ZNF521: variants seen among roughly 807,000 people sequenced by gnomAD.
The protein encoded by ZNF521 is zinc finger protein 521, also known as LYST-interacting protein 3.
In ZNF521, 14 loss-of-function variants were observed where a neutral mutation model predicts 105.5. The ratio of observed to expected loss-of-function variants is 0.13; its 90% CI spans 0.09 to 0.21. The LOEUF (loss-of-function observed/expected upper bound fraction) is 0.21. Among genes scored for constraint, ZNF521 ranks in the 10% least tolerant of loss-of-function variants. The probability of loss-of-function intolerance (pLI) is 1.00; values close to 1 mark genes in which losing one functional copy is unlikely to be tolerated. For missense variants in ZNF521, 1,233 were observed against 1,629.7 expected, an observed-to-expected ratio of 0.76 and a Z score of 4.19; for synonymous variants, 635 against 606.0, an observed-to-expected ratio of 1.05 and a Z score of -0.70.
chr18:25,238,884 C>T (rs955671001), intron 3 of ZNF521, among the ~76,000 whole-genome samples: 3 of 152,138 alleles, frequency 2.0e-5, no homozygotes, highest in Admixed American at 2.0e-4. Context: ...GCCCAGAAAT[C>T]TCCCTTTTTT....
chr18:25,297,704 T>C (rs1350291379), intron 3 of ZNF521, among the ~76,000 whole-genome samples: 3 of 152,162 alleles, frequency 2.0e-5, no homozygotes, highest in Non-Finnish European at 4.4e-5. Flanking sequence ...AAACCATAGG[T>C]CCTTTAGGGA....
intron 5 of ZNF521, among the ~76,000 whole-genome samples, chr18:25,149,162 T>C (rs2035000323): frequency 6.6e-6 from 1 of 152,204 alleles, no homozygotes; most frequent in Admixed American, 6.5e-5. Context: ...CAGGTCTTTG[T>C]CCATGTAGCT....
intron 3 of ZNF521, among the ~76,000 whole-genome samples, chr18:25,259,513 C>G (rs1908758283): frequency 6.6e-6 from 1 of 152,064 alleles, no homozygotes; most frequent in African/African-American, 2.4e-5. Flanking sequence ...GGAGAGGGCA[C>G]CACGGGCGTA....
At chr18:25,266,453 G>C (rs1302795310) in intron 3 of ZNF521, among the ~76,000 whole-genome samples, 1 of 152,166 alleles carries the variant, frequency 6.6e-6, no homozygotes, top group Admixed American at 6.5e-5. Context: ...AATCGGATTT[G>C]CTGGCAAGAT....
chr18:25,342,627 AC>A lies in ZNF521; in HGVS notation c.40+8279del, dbSNP rs1914269562. Among the ~76,000 whole-genome samples, 3 of 150,988 alleles carry A rather than the reference AC, an allele frequency of 2.0e-5. No individual in the cohort carries two copies. The South Asian group carries it at 6.3e-4, about 32-fold the overall frequency. ...GTATTTTTAGTAGAGACGGGGTTTC[AC>A]CGTGTTAGCCAGGATGGTCTCGATC... On this transcript the variant is annotated intron_variant, in intron 2 of 7. Transcript: ENST00000361524.
intron 5 of ZNF521, among the ~76,000 whole-genome samples, chr18:25,104,222 A>T (rs1567963150): frequency 6.6e-6 from 1 of 152,184 alleles, no homozygotes; most frequent in Non-Finnish European, 1.5e-5. Flanking sequence ...AGATCCACTT[A>T]AAAAATTTAA....
chr18:25,083,123 C>T (rs1376521528), intron 7 of ZNF521, among the ~76,000 whole-genome samples: 2 of 152,108 alleles, frequency 1.3e-5, no homozygotes, highest in African/African-American at 4.8e-5. Context: ...AGCCACACCT[C>T]CGTAATTGGA....
intron 2 of ZNF521, among the ~76,000 whole-genome samples, chr18:25,341,014 T>C (rs1016621828): frequency 6.6e-6 from 1 of 152,202 alleles, no homozygotes; most frequent in African/African-American, 2.4e-5. Flanking sequence ...GCAAAAGGGA[T>C]TTCATGTTGA....
rs146154620 is a variant in ZNF521, at chr18:25,325,642, C to G, written c.41-3455G>C. Among the ~76,000 whole-genome samples the G allele has an allele frequency of 5.2e-3, 795 of 152,264 alleles. 11 individuals carry two copies. The highest frequency in any genetic ancestry group is 0.018 in the African/African-American group (744 of 41,536). On this transcript the variant is annotated intron_variant, in intron 2 of 7. Coordinates refer to ENST00000361524, the MANE Select transcript of ZNF521 (RefSeq NM_015461.3). ...CTCTCTCCCCCTACCCTAAATGATG[C>G]TGCGCAAACATGTTGCATTCAGCAC...
chr18:25,229,443 A>G (rs1374223281), intron 3 of ZNF521, among the ~76,000 whole-genome samples: 1 of 152,218 alleles, frequency 6.6e-6, no homozygotes. Context: ...TGTTTCCAGC[A>G]TAAGAAAGGG....
chr18:25,239,979 A>C (rs1005694355), intron 3 of ZNF521, among the ~76,000 whole-genome samples: 2 of 150,954 alleles, frequency 1.3e-5, no homozygotes, highest in Admixed American at 1.3e-4. Context: ...TTTTCAAGCC[A>C]TCTTATCTTA....
At chr18:25,346,496 T>A (rs868692533) in intron 2 of ZNF521, among the ~76,000 whole-genome samples, 1 of 152,332 alleles carries the variant, frequency 6.6e-6, no homozygotes, top group Non-Finnish European at 1.5e-5. Context: ...CAGGTTTTCT[T>A]ACTTTCAAAA....
Position 25,091,975 on chromosome 18 carries a change from G to A in ZNF521, c.3765C>T (p.Thr1255=). ...IEHSFEGMGG[T]FKCPVCFTVF... is the part of the protein sequence containing the mutation. ...CTGTAAAGCAGACTGGACACTTGAA[G>A]GTGCCTCCCATCCCTTCGAAGCTGT... The change falls in exon 6 of 8, where the codon ACC becomes ACT. Residue 1255 remains threonine, a synonymous_variant. Transcript: ENST00000361524. 2 of 1,613,890 alleles carry A rather than the reference G, an allele frequency of 1.2e-6. No homozygotes were observed. Among genetic ancestry groups the A allele is most frequent in the Non-Finnish European group, 1.7e-6 (2 of 1,179,850 alleles).
At chr18:25,151,973 A>G (rs549318886) in intron 5 of ZNF521, among the ~76,000 whole-genome samples, 1 of 152,202 alleles carries the variant, frequency 6.6e-6, no homozygotes, top group Non-Finnish European at 1.5e-5. Context: ...TGAAATGGTT[A>G]TTTTTTTACA....
intron 3 of ZNF521, among the ~76,000 whole-genome samples, chr18:25,270,653 T>A (rs1354075056): frequency 1.3e-5 from 2 of 152,120 alleles, no homozygotes; most frequent in African/African-American, 4.8e-5. Flanking sequence ...ATCCATCACA[T>A]AAACAGAACC....
chr18:25,202,849 A>G (rs1189011653), intron 4 of ZNF521: 1 of 152,224 alleles, frequency 6.6e-6, no homozygotes. Context: ...AAAGAAGAAA[A>G]AAATGGTTAT....
chr18:25,299,855 G>C (rs1034466240), intron 3 of ZNF521, among the ~76,000 whole-genome samples: 2 of 152,178 alleles, frequency 1.3e-5, no homozygotes. Context: ...GAGAGACTCT[G>C]ATTTCGGTGG....
chr18:25,123,279 T>G (rs1372917160), intron 5 of ZNF521, among the ~76,000 whole-genome samples: 1 of 151,998 alleles, frequency 6.6e-6, no homozygotes, highest in African/African-American at 2.4e-5. Context: ...GCATGCTATA[T>G]TTTTTCCATA....
At chr18:25,084,073 T>A (rs1439467223) in intron 7 of ZNF521, among the ~76,000 whole-genome samples, 1 of 150,960 alleles carries the variant, frequency 6.6e-6, no homozygotes. Flanking sequence ...CATGAGCCAC[T>A]GTGCCTGGCC....
Sources: gnomAD v4.1 joint callset for allele counts (sites outside exome capture counted in the v4.1 genomes callset) on GRCh38, gnomAD v4.1.1 for gene constraint, MANE v1.5 for transcripts, NCBI Gene and HGNC (gene_info 2026-07-23, HGNC 2026-07-21) for gene names.